GATA4: variants seen among roughly 807,000 people sequenced by gnomAD.
The protein encoded by GATA4 is GATA binding protein 4, also known as transcription factor GATA-4.
Under a neutral mutation model 37.9 loss-of-function variants are expected in GATA4, and 7 were observed. The observed-to-expected ratio is 0.18, with a 90% confidence interval of 0.11 to 0.35. The LOEUF (loss-of-function observed/expected upper bound fraction) is 0.35. GATA4 is among the 10% of genes least tolerant of loss of function. The pLI is 1.00. For synonymous variants in GATA4, 372 were observed against 292.6 expected (o/e 1.27, Z -2.77); for missense variants, 647 against 653.0 (o/e 0.99, Z 0.10).
At chr8:11,714,269 T>C (rs1800332306) in intron 2 of GATA4, among the ~76,000 whole-genome samples, 1 of 152,268 alleles carries the variant, frequency 6.6e-6, no homozygotes, top group African/African-American at 2.4e-5. Context: ...GAAATACATG[T>C]ACAGTATATC....
At chr8:11,699,367 G>A (rs1302051232), upstream of GATA4, among the ~76,000 whole-genome samples, 1 of 152,154 alleles carries the variant, frequency 6.6e-6, no homozygotes. Context: ...ATATGTGAAA[G>A]AATTGGGGCC....
At chr8:11,695,047 A>G (rs1799463798) in intron 1 of GATA4, among the ~76,000 whole-genome samples, 1 of 152,194 alleles carries the variant, frequency 6.6e-6, no homozygotes, top group African/African-American at 2.4e-5. Flanking sequence ...TTGCGCCCTG[A>G]TGGTAGCCCA....
chr8:11,750,200 G>A lies in GATA4; in HGVS notation c.876G>A (p.Val292=), dbSNP rs1364069860. 5 of 1,613,670 alleles carry A rather than the reference G, an allele frequency of 3.1e-6. No homozygotes were observed. Among genetic ancestry groups the A allele is most frequent in the East Asian group, 2.2e-5 (1 of 44,890 alleles). ...GCCGCAATGCGGAGGGCGAGCCTGT[G>A]TGCAATGCCTGCGGCCTCTACATGA... is the stretch of plus-strand genomic sequence containing the variant. The part of the protein sequence containing the change: ...LWRRNAEGEP[V]CNACGLYMKL... The change falls in exon 4 of 7, where the codon GTG becomes GTA. Residue 292 remains valine (V), a synonymous_variant. Coordinates refer to ENST00000532059, the MANE Select transcript of GATA4 (RefSeq NM_001308093.3).
intron 2 of GATA4, among the ~76,000 whole-genome samples, chr8:11,730,712 C>G (rs550823607): frequency 6.6e-6 from 1 of 152,226 alleles, no homozygotes; most frequent in Non-Finnish European, 1.5e-5. Flanking sequence ...TAGGATGTTT[C>G]CTGCTGCCCT....
At chr8:11,696,866 T>C (rs1481142988) in intron 1 of GATA4, among the ~76,000 whole-genome samples, 2 of 152,210 alleles carry the variant, frequency 1.3e-5, no homozygotes, top group Non-Finnish European at 2.9e-5. Context: ...ACTCTACCTG[T>C]TCTGAGCCCA....
At chr8:11,690,590 CTG>C (rs1799278437), upstream of GATA4, among the ~76,000 whole-genome samples, 1 of 152,148 alleles carries the variant, frequency 6.6e-6, no homozygotes, top group Non-Finnish European at 1.5e-5. Flanking sequence ...TGTGGTGGCT[CTG>C]GCTCAGGGCT....
At chr8:11,686,205 G>C (rs1452726384) in intron 1 of GATA4, among the ~76,000 whole-genome samples, 1 of 138,362 alleles carries the variant, frequency 7.2e-6, no homozygotes, top group Non-Finnish European at 1.5e-5. Flanking sequence ...AAAAGATCTT[G>C]TACTGGGTCT....
upstream of GATA4, among the ~76,000 whole-genome samples, chr8:11,689,276 T>C (rs1255696842): frequency 1.3e-5 from 2 of 152,210 alleles, no homozygotes; most frequent in Non-Finnish European, 2.9e-5. Flanking sequence ...CTCAAAATCC[T>C]TTACTTGGGA....
At chr8:11,701,242 T>TAAAAA (rs1212343332), upstream of GATA4, among the ~76,000 whole-genome samples, 1 of 68,206 alleles carries the variant, frequency 1.5e-5, no homozygotes, top group Non-Finnish European at 3.6e-5. Flanking sequence ...CCCAGGTTCT[T>TAAAAA]AGAAAAAAAA....
intron 2 of GATA4, among the ~76,000 whole-genome samples, chr8:11,715,748 A>C (rs1034905124): frequency 2.0e-5 from 3 of 152,138 alleles, no homozygotes; most frequent in African/African-American, 7.2e-5. Context: ...CTCAGAAAAA[A>C]AAAACAACTC....
At chr8:11,678,395 G>C (rs891290848) in intron 1 of GATA4, among the ~76,000 whole-genome samples, 1 of 152,154 alleles carries the variant, frequency 6.6e-6, no homozygotes, top group African/African-American at 2.4e-5. Context: ...GATTTGAAAA[G>C]CTGTCACAAA....
At chr8:11,723,504 C>T (rs914611024) in intron 2 of GATA4, among the ~76,000 whole-genome samples, 2 of 152,174 alleles carry the variant, frequency 1.3e-5, no homozygotes, top group Admixed American at 1.3e-4. Flanking sequence ...GCTTTCCATC[C>T]TATAAAATGT....
chr8:11,702,531 C>CT (rs1799714726), upstream of GATA4, among the ~76,000 whole-genome samples: 1 of 151,292 alleles, frequency 6.6e-6, no homozygotes, highest in South Asian at 2.1e-4. This position sits in a 1 kb window ranked among gnomAD's most constrained non-coding sequence, Gnocchi z 4.4. Context: ...TCCTTCTCCG[C>CT]TGAGTCCGAA....
At position 11,708,274 on chromosome 8, in the gene GATA4, G is replaced by A. The variant is rs1799983876; in HGVS notation, c.-39G>A. 1 of 1,552,364 alleles carries A rather than the reference G, an allele frequency of 6.4e-7. No homozygotes were observed. The highest frequency in any genetic ancestry group is 8.7e-7 in the Non-Finnish European group (1 of 1,155,368). On this transcript the variant is annotated 5_prime_UTR_variant, in exon 2 of 7. Transcript: ENST00000532059. This position sits in a 1 kb window ranked among gnomAD's most constrained non-coding sequence, Gnocchi z 6.7. Reference sequence around the variant, plus strand: ...CCCGCGTGGCTCCTTGACCTGCGAGGGAGAGAGAGGACACCGAAGCCGGGA... The same window carrying A: ...CCCGCGTGGCTCCTTGACCTGCGAGAGAGAGAGAGGACACCGAAGCCGGGA...
intron 2 of GATA4, among the ~76,000 whole-genome samples, chr8:11,727,992 C>CTTAT (rs1191990468): frequency 1.3e-5 from 2 of 152,142 alleles, no homozygotes; most frequent in Admixed American, 1.3e-4. Context: ...TCTGCATTTA[C>CTTAT]TTATTTATTT....
intron 2 of GATA4, among the ~76,000 whole-genome samples, chr8:11,730,471 G>A (rs1434493807): frequency 3.3e-5 from 5 of 152,252 alleles, no homozygotes; most frequent in African/African-American, 2.4e-5. Context: ...AATAGAATGT[G>A]AAACAGGGGG....
At chr8:11,739,588 C>A (rs1801625035) in intron 2 of GATA4, among the ~76,000 whole-genome samples, 2 of 151,408 alleles carry the variant, frequency 1.3e-5, no homozygotes, top group African/African-American at 2.4e-5. Flanking sequence ...TATTGTGTGT[C>A]CAGGAACATG....
upstream of GATA4, among the ~76,000 whole-genome samples, chr8:11,689,722 T>G (rs1481363518): frequency 3.3e-5 from 5 of 152,130 alleles, no homozygotes; most frequent in Non-Finnish European, 2.9e-5. Flanking sequence ...GGTCACTGTT[T>G]CCAGTGCCCT....
intron 1 of GATA4, among the ~76,000 whole-genome samples, chr8:11,695,494 T>TG (rs1799479546): frequency 6.6e-6 from 1 of 152,232 alleles, no homozygotes; most frequent in Non-Finnish European, 1.5e-5. Flanking sequence ...CATGTTTCAC[T>TG]GACTGCTTTT....
Sources: gnomAD v4.1 joint callset for allele counts (sites outside exome capture counted in the v4.1 genomes callset) on GRCh38, gnomAD v4.1.1 for gene constraint, Gnocchi (gnomAD v3.1) non-coding constraint, MANE v1.5 for transcripts, NCBI Gene and HGNC (gene_info 2026-07-23, HGNC 2026-07-21) for gene names.